The following ZNF449 variants were observed in gnomAD, a reference collection of about 807,000 sequenced individuals.
ZNF449 encodes zinc finger and SCAN domain-containing protein 19.
Under a neutral mutation model 32.6 loss-of-function variants are expected in ZNF449, and 4 were observed. The observed-to-expected ratio is 0.12, with a 90% CI of 0.06 to 0.28. The LOEUF (loss-of-function observed/expected upper bound fraction) is 0.28. Ranked by LOEUF, ZNF449 falls within the 10% of genes least tolerant of loss-of-function variation. ZNF449 has a pLI of 1.00. For synonymous variants in ZNF449, 123 were observed against 132.2 expected (o/e 0.93, Z 0.48); for missense variants, 275 against 383.2 (o/e 0.72, Z 2.36).
chrX:135,361,234 A>G lies in ZNF449; in HGVS notation c.*158A>G, dbSNP rs1290234969. 8 of 393,786 alleles carry G rather than the reference A, an allele frequency of 2.0e-5. No homozygotes were observed. Among genetic ancestry groups the G allele is most frequent in the Non-Finnish European group, 3.4e-5 (8 of 238,083 alleles). 32.5% of individuals were successfully genotyped at this position (393,786 alleles called of 1,213,427 possible). On this transcript the variant is annotated 3_prime_UTR_variant, in exon 5 of 5. Coordinates refer to ENST00000339249, the MANE Select transcript of ZNF449 (RefSeq NM_152695.6). ...TTTTAAAACCCATCTTCCAAGGTAT[A>G]TGAATTCTAGAGTATTTATCTACTC...
chrX:135,348,666 C>T, intron 2 of ZNF449: 1 of 907,027 alleles, frequency 1.1e-6, no homozygotes, highest in Non-Finnish European at 1.4e-6. Flanking sequence ...TTCTGTCTCC[C>T]TAGGGTACTT....
chrX:135,345,773 A>G (rs1209132308), intron 1 of ZNF449, among the ~76,000 whole-genome samples: 2 of 110,880 alleles, frequency 1.8e-5, no homozygotes, highest in Non-Finnish European at 3.8e-5. Flanking sequence ...GAAGAGAGTC[A>G]TGAGTACTTT....
In ZNF449 at chrX:135,360,011, T is replaced by C. The variant is rs782039605; in HGVS notation, c.673+6T>C. 6.1e-6 allele frequency: 7 copies of C among 1,142,616 alleles called. No individual in the cohort carries two copies. The Admixed American group carries it at 9.8e-5, about 16-fold the overall frequency. 94.2% of individuals were successfully genotyped at this position (1,142,616 alleles called of 1,213,427 possible). ...ATTACTTGATTCCAAGATAGGTAAG[T>C]AATTGTTCTTTGATATACTAGTGGG... On this transcript the variant is annotated splice_donor_region_variant and intron_variant, in intron 4 of 4. Coordinates refer to ENST00000339249, the MANE Select transcript of ZNF449 (RefSeq NM_152695.6).
intron 3 of ZNF449, 67 bp from the exon 4 acceptor site, chrX:135,359,825 C>A: frequency 3.0e-6 from 2 of 659,640 alleles, no homozygotes; most frequent in Non-Finnish European, 2.4e-6. Context: ...TCCAAGAAAT[C>A]AGCCTAAATT....
chrX:135,360,757 G>A lies in ZNF449; in HGVS notation c.1238G>A (p.Gly413Glu). 3.3e-6 allele frequency: 4 copies of A among 1,211,187 alleles called. No individual in the cohort carries two copies. The highest frequency in any genetic ancestry group is 3.4e-6 in the Non-Finnish European group (3 of 895,269). ...GAAACATATAAATGTCTTGAGTGTG[G>A]GAAAAGTTTTTGTCATGGATCAAGT... ...EEETYKCLEC[G>E]KSFCHGSSLK... The change falls in exon 5 of 5, where the codon GGG (glycine) becomes GAG (glutamate). Residue 413 changes from glycine (G) to glutamate (E), a missense_variant. Gly to Glu is a moderately conservative substitution (Grantham distance 98). This residue lies in a region of ZNF449 where 80 missense variants were observed against 146.6 expected (regional missense o/e 0.55). Transcript: ENST00000339249.
chrX:135,358,213 T>A (rs1302853860), intron 3 of ZNF449, among the ~76,000 whole-genome samples: 1 of 111,598 alleles, frequency 9.0e-6, no homozygotes, highest in Admixed American at 9.5e-5. Flanking sequence ...GCCAGTGAGA[T>A]ATAGAAATGT....
intron 3 of ZNF449, 30 bp downstream of exon 3, chrX:135,349,344 G>T: frequency 1.7e-6 from 2 of 1,193,849 alleles, no homozygotes; most frequent in Non-Finnish European, 2.3e-6. Flanking sequence ...CCTTTCTTTT[G>T]TTTCTGTTTT....
At chrX:135,347,578 T>G (rs1332509363) in intron 2 of ZNF449, 106 bp downstream of exon 2, 1 of 1,169,061 alleles carries the variant, frequency 8.6e-7, no homozygotes, top group Non-Finnish European at 1.1e-6. Flanking sequence ...GCCTCAAGAT[T>G]TCTCCAGAGT....
rs782065401 is a variant in ZNF449 at position 135,360,691 on chromosome X, G to A, written c.1172G>A (p.Arg391Gln). ...CTVCKKRFTR[R>Q]SHLIGHQRTH... is the part of the protein sequence containing the mutation. The stretch of plus-strand genomic sequence containing the variant: ...GTATGTAAAAAGCGATTCACTCGGC[G>A]GTCACATCTTATAGGGCACCAGAGA... Residue 391 changes from arginine (R) to glutamine (Q), a missense_variant, in exon 5 of 5, where the codon CGG becomes CAG. By Grantham distance (43) the Arg-to-Gln change is conservative (BLOSUM62 1). Coordinates refer to ENST00000339249, the MANE Select transcript of ZNF449 (RefSeq NM_152695.6). 8 of 1,208,975 alleles carry A rather than the reference G, an allele frequency of 6.6e-6. No individual in the cohort carries two copies. Among genetic ancestry groups the A allele is most frequent in the South Asian group, 1.8e-5 (1 of 56,680 alleles).
intron 3 of ZNF449, among the ~76,000 whole-genome samples, chrX:135,352,429 C>G (rs2084892913): frequency 9.0e-6 from 1 of 111,711 alleles, no homozygotes; most frequent in Non-Finnish European, 1.9e-5. Context: ...AGAATGTATG[C>G]AATCAGAAAG....
At chrX:135,352,820 G>A (rs782767721) in intron 3 of ZNF449, among the ~76,000 whole-genome samples, 21 of 111,637 alleles carry the variant, frequency 1.9e-4, no homozygotes, top group African/African-American at 6.2e-4. Context: ...AAGCTCTTAC[G>A]AGACAGTCTT....
intron 3 of ZNF449, among the ~76,000 whole-genome samples, chrX:135,359,068 T>C (rs1247027065): frequency 8.9e-6 from 1 of 112,017 alleles, no homozygotes; most frequent in Non-Finnish European, 1.9e-5. Flanking sequence ...ATTCCTAATG[T>C]CATTTTAATA....
At chrX:135,352,153 G>A (rs1556450574) in intron 3 of ZNF449, among the ~76,000 whole-genome samples, 1 of 112,082 alleles carries the variant, frequency 8.9e-6, no homozygotes, top group Non-Finnish European at 1.9e-5. Flanking sequence ...AAATTCAAAA[G>A]TAATGGAAGA....
chrX:135,351,795 G>T (rs1324073886), intron 3 of ZNF449, among the ~76,000 whole-genome samples: 2 of 109,667 alleles, frequency 1.8e-5, no homozygotes, highest in African/African-American at 6.6e-5. Context: ...ATGTTAATTC[G>T]CTCCTTTTGT....
At chrX:135,345,548 C>G (rs1569497038) in intron 1 of ZNF449, among the ~76,000 whole-genome samples, 1 of 112,189 alleles carries the variant, frequency 8.9e-6, no homozygotes, top group East Asian at 2.8e-4. Flanking sequence ...TCCTCTGTGC[C>G]GGGCATGCTG....
chrX:135,358,608 T>C (rs1033897469), intron 3 of ZNF449, among the ~76,000 whole-genome samples: 1 of 112,116 alleles, frequency 8.9e-6, no homozygotes, highest in African/African-American at 3.2e-5. Context: ...TTACATCTTT[T>C]AACAAAAGAA....
In ZNF449 at chrX:135,362,404, T is replaced by G. The variant is rs1322916304; in HGVS notation, c.*1328T>G. The G allele has an allele frequency of 8.9e-6, 1 of 112,052 alleles. No homozygotes were observed. The highest frequency in any genetic ancestry group is 9.5e-5 in the Admixed American group (1 of 10,558). The allele number at this position is 112,052 out of a possible 1,213,427, so 9.2% of individuals were successfully genotyped here. ...AGTTTCCCAGTGATTCTCAACCTCT[T>G]TGAATTTTACTTATAATTACATACA... On this transcript the variant is annotated 3_prime_UTR_variant, in exon 5 of 5. Coordinates refer to ENST00000339249, the MANE Select transcript of ZNF449 (RefSeq NM_152695.6).
At chrX:135,359,793 G>A in intron 3 of ZNF449, 99 bp from the exon 4 acceptor site, 1 of 494,283 alleles carries the variant, frequency 2.0e-6, no homozygotes, top group Admixed American at 3.2e-5. Flanking sequence ...GGAGAAGGAA[G>A]TAGATACTAA....
Position 135,360,779 on chromosome X carries a change from A to C in ZNF449, c.1260A>C (p.Ser420=). 1 of 1,211,565 alleles carries C rather than the reference A, an allele frequency of 8.3e-7. No individual in the cohort carries two copies. Among genetic ancestry groups the C allele is most frequent in the Non-Finnish European group, 1.1e-6 (1 of 895,409 alleles). Residue 420 remains serine (S), a synonymous_variant, in exon 5 of 5, where the codon TCA becomes TCC. Coordinates refer to ENST00000339249, the MANE Select transcript of ZNF449 (RefSeq NM_152695.6). ...LECGKSFCHG[S]SLKRHLKTHT... is the part of the protein sequence containing the mutation. ...GTGGGAAAAGTTTTTGTCATGGATC[A>C]AGTCTTAAAAGACATCTGAAAACTC...
Sources: allele counts gnomAD v4.1 joint callset (sites outside exome capture counted in the v4.1 genomes callset), GRCh38; gene constraint gnomAD v4.1.1; regional missense constraint gnomAD v4.1.1; transcripts MANE v1.5; gene names NCBI Gene and HGNC (gene_info 2026-07-23, HGNC 2026-07-21).